F7: variants seen among roughly 807,000 people sequenced by gnomAD.
The protein encoded by F7 is coagulation factor VII, also known as FVII coagulation protein.
F7 carries 38 observed loss-of-function variants against 47.5 expected under a neutral mutation model. The observed-to-expected ratio is 0.80, with a 90% CI of 0.62 to 1.05. The LOEUF (loss-of-function observed/expected upper bound fraction) is 1.05. F7 is among the 50% of genes least tolerant of loss of function. F7 has a pLI of 0.00. For synonymous variants in F7, 244 were observed against 258.5 expected (o/e 0.94, Z 0.54); for missense variants, 575 against 605.4 (o/e 0.95, Z 0.53).
chr13:113,115,613 G>C, intron 4 of F7, 47 bp from the exon 5 acceptor site: 1 of 1,599,660 alleles, frequency 6.3e-7, no homozygotes, highest in South Asian at 1.1e-5. Context: ...GCTGGCTCTC[G>C]CTGACCCCCA....
At chr13:113,107,097 T>C (rs1331077051) in intron 1 of F7, among the ~76,000 whole-genome samples, 1 of 152,080 alleles carries the variant, frequency 6.6e-6, no homozygotes, top group Admixed American at 6.5e-5. Flanking sequence ...GTGCAGGCGA[T>C]TTTATCTTCT....
At chr13:113,107,293 TGTGGGTGTCCCGGGGGC>T (rs1566904875) in intron 1 of F7, among the ~76,000 whole-genome samples, 13 of 67,204 alleles carry the variant, frequency 1.9e-4, no homozygotes, top group African/African-American at 6.5e-4. Context: ...GTCCCAGGAG[TGTGGGTGTCCCGGGGGC>T]GTGGGTGTCC....
chr13:113,118,360 G>T, intron 7 of F7, 53 bp from the exon 8 acceptor site: 2 of 1,537,696 alleles, frequency 1.3e-6, no homozygotes, highest in Non-Finnish European at 1.8e-6. Flanking sequence ...CATGCACCAG[G>T]GGGTGAGGTG....
chr13:113,108,678 A>G (rs1432492024), intron 1 of F7, among the ~76,000 whole-genome samples: 61 of 70,768 alleles, frequency 8.6e-4, no homozygotes, highest in African/African-American at 3.7e-3. Context: ...AGGCGAGGGT[A>G]TCCCAGAAGT....
In F7 at chr13:113,118,997, C is replaced by G; in HGVS notation, c.1324C>G (p.Pro442Ala). 1 of 1,599,696 alleles carries G rather than the reference C, an allele frequency of 6.3e-7. No individual in the cohort carries two copies. Among genetic ancestry groups the G allele is most frequent in the Non-Finnish European group, 8.5e-7 (1 of 1,179,900 alleles). Residue 442 changes from proline (P) to alanine (A), a missense_variant, in exon 8 of 8, where the codon CCA becomes GCA. Transcript: ENST00000346342. ...ACGCCCAGGAGTCCTCCTGCGAGCC[C>G]CATTTCCCTAGCCCAGCAGCCCTGG... ...EPRPGVLLRA[P>A]FP
At position 113,116,828 on chromosome 13, in the gene F7, C is replaced by T. The variant is rs756151764; in HGVS notation, c.568C>T (p.Arg190Ter). The change falls in exon 6 of 8, where the codon CGA (arginine) becomes TGA (stop). Residue 190 changes from arginine (R) to a stop codon, truncating the protein, a stop_gained. Transcript: ENST00000346342. LOFTEE classifies it high-confidence loss of function. ...EKRNASKPQG[R>*]IVGGKVCPKG... is the part of the protein sequence containing the mutation. ...AAGAAATGCCAGCAAACCCCAAGGC[C>T]GAATTGTGGGGGGCAAGGTGTGCCC... 19 of 1,613,724 alleles carry T rather than the reference C, an allele frequency of 1.2e-5. No homozygotes were observed. The highest frequency in any genetic ancestry group is 4.4e-5 in the South Asian group (4 of 91,086).
chr13:113,119,246 A>C lies in F7; in HGVS notation c.*238A>C. On this transcript the variant is annotated 3_prime_UTR_variant, in exon 8 of 8. Transcript: ENST00000346342. ...CTCCAAGATTCAAAGAGACTAATAG[A>C]GACACAGAGATGGAATAGAAAAGAT... 8.8e-6 allele frequency: 5 copies of C among 567,020 alleles called. No homozygotes were observed. Among genetic ancestry groups the C allele is most frequent in the Non-Finnish European group, 1.6e-5 (5 of 319,564 alleles). 35.1% of individuals were successfully genotyped at this position (567,020 alleles called of 1,614,324 possible). A position where few individuals can be genotyped will look rare whatever the true frequency, so the allele number is the denominator to read the frequency against.
At chr13:113,116,426 A>G (rs370883895) in intron 5 of F7, among the ~76,000 whole-genome samples, 1 of 152,248 alleles carries the variant, frequency 6.6e-6, no homozygotes, top group African/African-American at 2.4e-5. Context: ...GTAGAATTTC[A>G]TTCACCTTCT....
intron 2 of F7, among the ~76,000 whole-genome samples, chr13:113,111,153 C>G (rs1003236284): frequency 2.0e-5 from 3 of 152,324 alleles, no homozygotes; most frequent in African/African-American, 7.2e-5. Flanking sequence ...CCAAGGGAGT[C>G]CCCCCAGTCC....
chr13:113,109,525 C>T (rs1054747672), intron 1 of F7, among the ~76,000 whole-genome samples: 1 of 152,210 alleles, frequency 6.6e-6, no homozygotes, highest in Non-Finnish European at 1.5e-5. Flanking sequence ...CCTTCCGTCC[C>T]TTCTTCCGCG....
In F7 at chr13:113,113,691, C is replaced by T. The variant is rs2036144173; in HGVS notation, c.226-61C>T. ...ACCCCAGTTCATGGTGTGTCCAGTG[C>T]TTACCGTTGGGTGCTCTGGTGAAGG... On this transcript the variant is annotated intron_variant, in intron 2 of 7. Coordinates refer to ENST00000346342, the MANE Select transcript of F7 (RefSeq NM_019616.4). This position sits in a 1 kb window ranked among gnomAD's most constrained non-coding sequence, Gnocchi z 4.1. 15 of 1,552,544 alleles carry T rather than the reference C, an allele frequency of 9.7e-6. No homozygotes were observed. Among genetic ancestry groups the T allele is most frequent in the Non-Finnish European group, 1.3e-5 (15 of 1,124,182 alleles).
intron 1 of F7, among the ~76,000 whole-genome samples, chr13:113,109,159 C>CA: frequency 7.2e-6 from 1 of 139,238 alleles, no homozygotes; most frequent in East Asian, 2.2e-4. Flanking sequence ...GTGGGTGTCC[C>CA]GGGGGCGTGG....
chr13:113,108,416 T>TC (rs2036013186), intron 1 of F7, among the ~76,000 whole-genome samples: 2 of 18,104 alleles, frequency 1.1e-4, no homozygotes, highest in Non-Finnish European at 1.0e-4. Flanking sequence ...GTCCCGGGAG[T>TC]GTGGGTGTCC....
At chr13:113,108,595 C>T (rs369837670) in intron 1 of F7, among the ~76,000 whole-genome samples, 11 of 58,132 alleles carry the variant, frequency 1.9e-4, no homozygotes, top group Non-Finnish European at 2.1e-4. Context: ...GTGTGGGTGT[C>T]CCGGAGGCGA....
chr13:113,108,791 T>C (rs868109148), intron 1 of F7, among the ~76,000 whole-genome samples: 185 of 20,554 alleles, frequency 9.0e-3, no homozygotes, highest in East Asian at 0.033. Flanking sequence ...GTCCCAGGGG[T>C]GTGGGTGTCC....
At chr13:113,109,561 T>C (rs547185314) in intron 1 of F7, among the ~76,000 whole-genome samples, 32 of 152,306 alleles carry the variant, frequency 2.1e-4, no homozygotes, top group Admixed American at 2.0e-3. Flanking sequence ...AGGCCGCTCC[T>C]GCAGAACTCG....
intron 5 of F7, among the ~76,000 whole-genome samples, chr13:113,116,084 A>G (rs957584230): frequency 6.6e-6 from 1 of 152,112 alleles, no homozygotes; most frequent in Non-Finnish European, 1.5e-5. Flanking sequence ...TCCAACTCCC[A>G]CTCGCAGGAC....
chr13:113,120,514 C>G lies in F7; in HGVS notation c.*1506C>G, dbSNP rs2036284912. On this transcript the variant is annotated 3_prime_UTR_variant, in exon 8 of 8. Transcript: ENST00000346342. ...TCCTGGGCACCACTGGCACTCACAG[C>G]AGCAAGGTGGGCACCATTGGCACTC... The G allele has an allele frequency of 6.4e-6, 1 of 156,342 alleles. No individual in the cohort carries two copies. Among genetic ancestry groups the G allele is most frequent in the Non-Finnish European group, 1.4e-5 (1 of 71,060 alleles). 9.7% of individuals were successfully genotyped at this position (156,342 alleles called of 1,614,324 possible).
chr13:113,111,405 A>T (rs2036091671), intron 2 of F7, among the ~76,000 whole-genome samples: 1 of 98,320 alleles, frequency 1.0e-5, no homozygotes, highest in South Asian at 2.9e-4. Flanking sequence ...GTCACCTCAC[A>T]CTCACAGGAC....
Sources: allele counts gnomAD v4.1 joint callset (sites outside exome capture counted in the v4.1 genomes callset), GRCh38; gene constraint gnomAD v4.1.1; non-coding constraint Gnocchi (gnomAD v3.1); transcripts MANE v1.5; gene names NCBI Gene and HGNC (gene_info 2026-07-23, HGNC 2026-07-21).